GPC5: variants seen among roughly 807,000 people sequenced by gnomAD.
GPC5 encodes the protein glypican-5.
In GPC5, 47 loss-of-function variants were observed where a neutral mutation model predicts 53.9. That is an observed-to-expected ratio of 0.87 (90% CI 0.69 to 1.11). The LOEUF is 1.11. Among genes scored for constraint, GPC5 ranks in the 50% most tolerant of loss-of-function variants. The pLI, the probability that GPC5 is intolerant of heterozygous loss-of-function variation, is 0.00. For missense variants in GPC5, 748 were observed against 713.1 expected, an observed-to-expected ratio of 1.05 and a Z score of -0.56; for synonymous variants, 286 against 263.3, an observed-to-expected ratio of 1.09 and a Z score of -0.84.
chr13:91,907,497 C>G (rs1257996566), intron 5 of GPC5, among the ~76,000 whole-genome samples: 35 of 78,724 alleles, frequency 4.4e-4, no homozygotes, highest in Non-Finnish European at 6.1e-4. Flanking sequence ...CTCTCTCTCT[C>G]TCTCTTTATA....
At chr13:92,847,130 T>A (rs1878638630) in intron 7 of GPC5, among the ~76,000 whole-genome samples, 1 of 152,186 alleles carries the variant, frequency 6.6e-6, no homozygotes, top group Admixed American at 6.6e-5. Flanking sequence ...CCCACCTAAG[T>A]CTGTGCTAAA....
intron 7 of GPC5, among the ~76,000 whole-genome samples, chr13:92,277,644 T>A (rs935838371): frequency 1.3e-5 from 2 of 152,030 alleles, no homozygotes; most frequent in Non-Finnish European, 1.5e-5. Flanking sequence ...CTTTGTTTTT[T>A]ATCGTTGCTG....
chr13:92,322,496 CA>C (rs1374081416), intron 7 of GPC5, among the ~76,000 whole-genome samples: 1 of 152,066 alleles, frequency 6.6e-6, no homozygotes, highest in East Asian at 1.9e-4. Context: ...GCATTCTAAA[CA>C]GAATGAAAGA....
At chr13:91,777,581 G>T (rs761245038) in intron 5 of GPC5, among the ~76,000 whole-genome samples, 1 of 152,146 alleles carries the variant, frequency 6.6e-6, no homozygotes, top group South Asian at 2.1e-4. Flanking sequence ...TTCCGTGAAG[G>T]CGCTGCAAAG....
intron 6 of GPC5, among the ~76,000 whole-genome samples, chr13:92,074,979 T>C (rs1213577010): frequency 6.6e-6 from 1 of 152,236 alleles, no homozygotes; most frequent in Non-Finnish European, 1.5e-5. Context: ...CTTTGTATTG[T>C]ATTGTACTTT....
chr13:92,090,617 T>A (rs2041372545), intron 6 of GPC5, among the ~76,000 whole-genome samples: 2 of 152,148 alleles, frequency 1.3e-5, no homozygotes, highest in South Asian at 4.1e-4. Context: ...TTAAAGCTGT[T>A]TAAATAGATT....
chr13:91,411,801 C>T (rs1286133738), intron 1 of GPC5, among the ~76,000 whole-genome samples: 1 of 152,106 alleles, frequency 6.6e-6, no homozygotes, highest in Non-Finnish European at 1.5e-5. Context: ...TCTATTTTCT[C>T]CCAGGATTCT....
At chr13:91,898,049 A>G (rs1185145008) in intron 5 of GPC5, among the ~76,000 whole-genome samples, 5 of 152,226 alleles carry the variant, frequency 3.3e-5, no homozygotes, top group African/African-American at 4.8e-5. Flanking sequence ...CTAAGTTATC[A>G]AAGATTATAT....
intron 3 of GPC5, among the ~76,000 whole-genome samples, chr13:91,721,907 A>G (rs917472061): frequency 2.6e-5 from 4 of 152,214 alleles, no homozygotes; most frequent in Admixed American, 1.3e-4. Flanking sequence ...ACTAAATAAC[A>G]TTCATCAAGA....
At chr13:92,771,120 A>G (rs1301584669) in intron 7 of GPC5, among the ~76,000 whole-genome samples, 1 of 152,078 alleles carries the variant, frequency 6.6e-6, no homozygotes, top group Admixed American at 6.5e-5. Flanking sequence ...ATCTCCTGAC[A>G]ACAGAGTGAG....
chr13:92,218,894 C>T (rs574723761), intron 7 of GPC5, among the ~76,000 whole-genome samples: 1 of 152,248 alleles, frequency 6.6e-6, no homozygotes, highest in East Asian at 1.9e-4. Flanking sequence ...ATTTTGTTTG[C>T]TATCTCTTTG....
intron 6 of GPC5, among the ~76,000 whole-genome samples, chr13:92,051,025 T>C (rs1444155302): frequency 1.3e-5 from 2 of 152,160 alleles, no homozygotes; most frequent in African/African-American, 4.8e-5. Context: ...GATATTAATT[T>C]TATAAGGAGT....
intron 7 of GPC5, among the ~76,000 whole-genome samples, chr13:92,695,765 A>G (rs1887539418): frequency 6.6e-6 from 1 of 151,716 alleles, no homozygotes; most frequent in African/African-American, 2.4e-5. Flanking sequence ...GGTTTGTTAC[A>G]TAGGTATACA....
chr13:92,654,099 T>G (rs984461943), intron 7 of GPC5, among the ~76,000 whole-genome samples: 1 of 152,234 alleles, frequency 6.6e-6, no homozygotes, highest in African/African-American at 2.4e-5. Flanking sequence ...ACAATACTTT[T>G]GCTATTCTTT....
intron 6 of GPC5, among the ~76,000 whole-genome samples, chr13:92,100,914 CAT>C (rs1229290811): frequency 6.6e-6 from 1 of 152,144 alleles, no homozygotes; most frequent in African/African-American, 2.4e-5. Flanking sequence ...GCTACAGTCA[CAT>C]GTATCATATC....
chr13:92,556,160 T>C (rs1882486635), intron 7 of GPC5, among the ~76,000 whole-genome samples: 1 of 151,794 alleles, frequency 6.6e-6, no homozygotes, highest in Non-Finnish European at 1.5e-5. Flanking sequence ...GGTGGTAAAA[T>C]ATCTCCTGCT....
intron 1 of GPC5, among the ~76,000 whole-genome samples, chr13:91,440,756 G>A (rs186533579): frequency 1.8e-3 from 277 of 152,218 alleles, no homozygotes; most frequent in African/African-American, 6.4e-3. Context: ...TAATTTAACC[G>A]GTTTGGACTC....
chr13:92,444,721 A>G (rs1271278895), intron 7 of GPC5, among the ~76,000 whole-genome samples: 1 of 133,092 alleles, frequency 7.5e-6, no homozygotes, highest in Non-Finnish European at 1.5e-5. Context: ...AATCTAAAAA[A>G]AAAAAAAAAA....
At chr13:92,401,374 C>A (rs545127457) in intron 7 of GPC5, among the ~76,000 whole-genome samples, 1 of 151,848 alleles carries the variant, frequency 6.6e-6, no homozygotes, top group Non-Finnish European at 1.5e-5. Flanking sequence ...TATTAGAAAT[C>A]GAAGTACCAT....
Sources: gnomAD v4.1 joint callset for allele counts (sites outside exome capture counted in the v4.1 genomes callset) on GRCh38, gnomAD v4.1.1 for gene constraint, MANE v1.5 for transcripts, NCBI Gene and HGNC (gene_info 2026-07-23, HGNC 2026-07-21) for gene names.